Variants in RMND1 observed in about 807,000 individuals in gnomAD.
The protein encoded by RMND1 is required for meiotic nuclear division 1 homolog, also known as required for meiotic nuclear division protein 1 homolog.
RMND1 carries 41 observed loss-of-function variants against 54.0 expected under a neutral mutation model. That is an observed-to-expected ratio of 0.76 (90% CI 0.59 to 0.98). The LOEUF (loss-of-function observed/expected upper bound fraction) is 0.98. RMND1 is among the 50% of genes least tolerant of loss of function. The pLI is 0.00. For synonymous variants in RMND1, 183 were observed against 181.7 expected (o/e 1.01, Z -0.06); for missense variants, 457 against 532.0 (o/e 0.86, Z 1.39).
chr6:151,405,555 G>A (rs1779583976), intron 11 of RMND1, among the ~76,000 whole-genome samples, 165 bp downstream of exon 11: 2 of 152,206 alleles, frequency 1.3e-5, no homozygotes, highest in South Asian at 4.1e-4. Context: ...TACTTTTAAT[G>A]CATTTGCAAA....
intron 10 of RMND1, among the ~76,000 whole-genome samples, chr6:151,407,218 G>T (rs924372451): frequency 2.0e-5 from 3 of 152,068 alleles, no homozygotes; most frequent in Non-Finnish European, 2.9e-5. Context: ...TCCACCATTT[G>T]CCCCTATTTC....
chr6:151,423,225 ACTAT>A (rs1309082289), intron 7 of RMND1, among the ~76,000 whole-genome samples: 8 of 152,266 alleles, frequency 5.3e-5, no homozygotes, highest in Admixed American at 3.3e-4. Flanking sequence ...TGGATTAGAG[ACTAT>A]CTAAGAATAA....
chr6:151,411,597 T>C (rs919982090), intron 10 of RMND1: 1 of 152,202 alleles, frequency 6.6e-6, no homozygotes, highest in Non-Finnish European at 1.5e-5. Context: ...GTCAAGGTAC[T>C]CTTCACTCAG....
intron 4 of RMND1, among the ~76,000 whole-genome samples, chr6:151,431,466 C>T (rs769586270): frequency 1.3e-5 from 2 of 152,066 alleles, no homozygotes; most frequent in Non-Finnish European, 2.9e-5. Context: ...TTACAATAGG[C>T]AGGGATAAGG....
intron 10 of RMND1, chr6:151,413,673 G>T (rs1469113955): frequency 6.6e-6 from 1 of 152,234 alleles, no homozygotes. Context: ...TCTTCAGCCT[G>T]TGTGCACAGT....
In RMND1 at chr6:151,427,529, G is replaced by A. The variant is rs17081207; in HGVS notation, c.783C>T (p.Ile261=). Residue 261 remains isoleucine (I), a synonymous_variant, in exon 6 of 12, where the codon ATC becomes ATT. Coordinates refer to ENST00000444024, the MANE Select transcript of RMND1 (RefSeq NM_017909.4). Reference sequence around the variant, plus strand: ...CTTCATTTTCCCAGTGTACCAGTGCGATTTCATAGGGCTGAATTTCATGTT... The same window carrying A: ...CTTCATTTTCCCAGTGTACCAGTGCAATTTCATAGGGCTGAATTTCATGTT... ...LEKHEIQPYE[I]ALVHWENEEL... The A allele has an allele frequency of 1.6e-3, 2,639 of 1,612,444 alleles. 35 individuals carry two copies. The African/African-American group carries it at 0.026, about 16-fold the overall frequency.
intron 3 of RMND1, among the ~76,000 whole-genome samples, chr6:151,433,931 C>A (rs934716237): frequency 2.9e-5 from 4 of 137,644 alleles, no homozygotes; most frequent in Non-Finnish European, 3.0e-5. Flanking sequence ...ACCTCCTGAA[C>A]TCAAGGGACC....
chr6:151,433,170 G>T lies in RMND1; in HGVS notation c.674C>A (p.Thr225Lys). The T allele has an allele frequency of 1.2e-6, 2 of 1,610,220 alleles. No homozygotes were observed. Among genetic ancestry groups the T allele is most frequent in the South Asian group, 1.1e-5 (1 of 90,794 alleles). Reference protein sequence around the residue: ...ENSAKEGDPGTIFFFREGAAV... With the variant: ...ENSAKEGDPGKIFFFREGAAV... ...CCTGTCTTACCTGAAGAAGAATATT[G>T]TTCCAGGATCACCTTCTTTTGCAGA... Residue 225 changes from threonine to lysine, a missense_variant, in exon 4 of 12, where the codon ACA becomes AAA. Coordinates refer to ENST00000444024, the MANE Select transcript of RMND1 (RefSeq NM_017909.4).
intron 2 of RMND1, among the ~76,000 whole-genome samples, chr6:151,441,144 A>C (rs1013360045): frequency 4.6e-5 from 7 of 152,218 alleles, no homozygotes; most frequent in African/African-American, 1.7e-4. Flanking sequence ...TGGGGCTAGA[A>C]ATCTACATAT....
At position 151,427,543 on chromosome 6, in the gene RMND1, G is replaced by C. The variant is rs749016934; in HGVS notation, c.769C>G (p.Gln257Glu). 1.6e-5 allele frequency: 25 copies of C among 1,612,224 alleles called. No individual in the cohort carries two copies. Among genetic ancestry groups the C allele is most frequent in the Non-Finnish European group, 2.1e-5 (25 of 1,178,740 alleles). ...VMKVLEKHEI[Q>E]PYEIALVHWE... Reference sequence around the variant, plus strand: ...TGTACCAGTGCGATTTCATAGGGCTGAATTTCATGTTTTTCTAGAACTTTC... The same window carrying C: ...TGTACCAGTGCGATTTCATAGGGCTCAATTTCATGTTTTTCTAGAACTTTC... Residue 257 changes from glutamine to glutamate, a missense_variant, in exon 6 of 12, where the codon CAG becomes GAG. Gln to Glu is a conservative substitution (Grantham distance 29). Transcript: ENST00000444024.
intron 1 of RMND1, among the ~76,000 whole-genome samples, chr6:151,450,964 G>A (rs1016775249): frequency 1.4e-4 from 21 of 152,058 alleles, no homozygotes; most frequent in African/African-American, 2.2e-4. Flanking sequence ...GATTAAGGGC[G>A]GTGCAAGATG....
intron 2 of RMND1, chr6:151,444,670 G>GTACA (rs1357016292): frequency 7.2e-6 from 1 of 139,186 alleles, no homozygotes; most frequent in East Asian, 2.0e-4. Flanking sequence ...TAAGTACAAG[G>GTACA]TACAGTTCTA....
chr6:151,412,980 C>A (rs1485337828), intron 10 of RMND1, among the ~76,000 whole-genome samples: 2 of 149,474 alleles, frequency 1.3e-5, no homozygotes, highest in Non-Finnish European at 3.0e-5. Flanking sequence ...GGATACAGAT[C>A]TAAACCATAT....
At chr6:151,443,945 T>C (rs1168574214) in intron 2 of RMND1, among the ~76,000 whole-genome samples, 1 of 152,242 alleles carries the variant, frequency 6.6e-6, no homozygotes, top group African/African-American at 2.4e-5. Flanking sequence ...TCATGTCAAC[T>C]ATTTGCTCTA....
In RMND1 at chr6:151,421,096, A is replaced by G. The variant is rs563973635; in HGVS notation, c.1079+149T>C. ...ACAGCCCAACTACTTCTAATGGGTA[A>G]GAGTTCTCCCTGCTTATAATCAATG... is the stretch of plus-strand genomic sequence containing the variant. On this transcript the variant is annotated intron_variant, in intron 9 of 11. Coordinates refer to ENST00000444024, the MANE Select transcript of RMND1 (RefSeq NM_017909.4). 52 of 617,516 alleles carry G rather than the reference A, an allele frequency of 8.4e-5. No homozygotes were observed. The Middle Eastern group carries it at 1.4e-3, about 16-fold the overall frequency. The allele number at this position is 617,516 out of a possible 1,614,324, so 38.3% of individuals were successfully genotyped here.
intron 2 of RMND1, among the ~76,000 whole-genome samples, chr6:151,441,167 A>G (rs1356476810): frequency 6.6e-6 from 1 of 152,238 alleles, no homozygotes; most frequent in Non-Finnish European, 1.5e-5. Flanking sequence ...TTCTTGTTTT[A>G]GGAGCATCGC....
Position 151,423,530 on chromosome 6 carries a change from A to T in RMND1, c.932T>A (p.Leu311His). 1.2e-6 allele frequency: 2 copies of T among 1,601,556 alleles called. No homozygotes were observed. The highest frequency in any genetic ancestry group is 1.7e-6 in the Non-Finnish European group (2 of 1,168,626). The change falls in exon 7 of 12, where the codon CTT becomes CAT. Residue 311 changes from leucine (L) to histidine (H), a missense_variant. By Grantham distance (99) the Leu-to-His change is moderately conservative. Coordinates refer to ENST00000444024, the MANE Select transcript of RMND1 (RefSeq NM_017909.4). ...EKFAFSNALCLSVKLAIWEAS... is the reference protein window; with the variant it reads ...EKFAFSNALCHSVKLAIWEAS... Reference sequence around the variant, plus strand: ...CATAAGCAGTAGTAACTTACCAGAAAGGCATAGAGCATTGGAGAAAGCAAA... The same window carrying T: ...CATAAGCAGTAGTAACTTACCAGAATGGCATAGAGCATTGGAGAAAGCAAA...
intron 1 of RMND1, among the ~76,000 whole-genome samples, chr6:151,448,621 C>G (rs1362984369): frequency 6.6e-6 from 1 of 152,170 alleles, no homozygotes; most frequent in East Asian, 1.9e-4. Flanking sequence ...ATAATACTAC[C>G]TGATCCAAAC....
chr6:151,409,691 T>C (rs1400843787), intron 10 of RMND1, among the ~76,000 whole-genome samples: 1 of 152,170 alleles, frequency 6.6e-6, no homozygotes, highest in Non-Finnish European at 1.5e-5. Flanking sequence ...GAGGAAGATC[T>C]GTGAGATTGA....
Sources: allele counts gnomAD v4.1 joint callset (sites outside exome capture counted in the v4.1 genomes callset), GRCh38; gene constraint gnomAD v4.1.1; transcripts MANE v1.5; gene names NCBI Gene and HGNC (gene_info 2026-07-23, HGNC 2026-07-21).